The following ARPP21 variants were observed in gnomAD, a reference collection of about 807,000 sequenced individuals.
ARPP21 encodes the protein cAMP regulated phosphoprotein 21, also known as cAMP-regulated phosphoprotein 21.
Under a neutral mutation model 113.2 loss-of-function variants are expected in ARPP21, and 69 were observed. The ratio of observed to expected loss-of-function variants is 0.61; its 90% CI spans 0.50 to 0.74. The LOEUF is 0.74. ARPP21 is among the 30% of genes least tolerant of loss of function. The probability of loss-of-function intolerance (pLI) is 0.00; values close to 1 mark genes in which losing one functional copy is unlikely to be tolerated. For synonymous variants in ARPP21, 368 were observed against 375.5 expected (o/e 0.98, Z 0.23); for missense variants, 1,070 against 1,037.4 (o/e 1.03, Z -0.43).
chr3:35,732,680 A>C (rs1348120188), intron 15 of ARPP21, among the ~76,000 whole-genome samples: 1 of 152,184 alleles, frequency 6.6e-6, no homozygotes, highest in East Asian at 1.9e-4. Flanking sequence ...ATGTTCATAT[A>C]TGTTATTTTG....
chr3:35,777,604 G>C (rs988969098), intron 19 of ARPP21, among the ~76,000 whole-genome samples: 1 of 152,136 alleles, frequency 6.6e-6, no homozygotes, highest in African/African-American at 2.4e-5. Context: ...CTAACTTCCA[G>C]TATAGCATTT....
intron 1 of ARPP21, among the ~76,000 whole-genome samples, chr3:35,667,364 C>G (rs2074643702): frequency 6.6e-6 from 1 of 152,102 alleles, no homozygotes; most frequent in African/African-American, 2.4e-5. Context: ...AAACCACAGT[C>G]ATTTTGCATT....
chr3:35,681,476 C>A, intron 2 of ARPP21: 1 of 306,654 alleles, frequency 3.3e-6, no homozygotes, highest in East Asian at 5.3e-5. Flanking sequence ...GATTTGTCGA[C>A]CCATTTTGAT....
chr3:35,687,307 T>C (rs2080904932), intron 5 of ARPP21, among the ~76,000 whole-genome samples: 1 of 151,272 alleles, frequency 6.6e-6, no homozygotes, highest in Non-Finnish European at 1.5e-5. Context: ...TTATGATTCC[T>C]AGTATATGTC....
At chr3:35,791,565 G>T (rs1405102119) in intron 19 of ARPP21, among the ~76,000 whole-genome samples, 1 of 151,990 alleles carries the variant, frequency 6.6e-6, no homozygotes, top group African/African-American at 2.4e-5. Flanking sequence ...ACCACTCATT[G>T]AAGTGAGGAT....
intron 16 of ARPP21, among the ~76,000 whole-genome samples, chr3:35,737,683 C>T (rs562455300): frequency 6.6e-6 from 1 of 152,268 alleles, no homozygotes; most frequent in Non-Finnish European, 1.5e-5. Flanking sequence ...TAGGTCTTTG[C>T]GTCACCTTCC....
rs1208214994 is a variant in ARPP21, at chr3:35,640,178, T to G, written c.-433T>G. The G allele has an allele frequency of 6.6e-6, 1 of 152,252 alleles. No homozygotes were observed. Among genetic ancestry groups the G allele is most frequent in the African/African-American group, 2.4e-5 (1 of 41,428 alleles). The allele number at this position is 152,252 out of a possible 1,614,324, so 9.4% of individuals were successfully genotyped here. A position where few individuals can be genotyped will look rare whatever the true frequency, so the allele number is the denominator to read the frequency against. ...AGCTGTGTGGGATCCCAGCCGACAC[T>G]GCAGAAAGCTCCTTTTACTAGCAGT... On this transcript the variant is annotated 5_prime_UTR_variant, in exon 1 of 21. Transcript: ENST00000684406.
intron 1 of ARPP21, among the ~76,000 whole-genome samples, chr3:35,648,395 T>A (rs200375253): frequency 1.9e-4 from 29 of 152,292 alleles, no homozygotes; most frequent in East Asian, 9.7e-4. Flanking sequence ...CCTAAAATCC[T>A]GCACTAGTGG....
In ARPP21 at chr3:35,737,306, C is replaced by A. The variant is rs2094417411; in HGVS notation, c.1588C>A (p.Pro530Thr). The part of the protein sequence containing the change: ...QPPQQQPSPQ[P>T]QQQVQPPQPQ... ...ACCACAGCAGCAGCCCTCCCCGCAGCCCCAACAGCAGGTCCAGCCACCGCA... is the reference window on the plus strand; with the variant it reads ...ACCACAGCAGCAGCCCTCCCCGCAGACCCAACAGCAGGTCCAGCCACCGCA... Residue 530 changes from proline to threonine, a missense_variant, in exon 16 of 21, where the codon CCC becomes ACC. Transcript: ENST00000684406. 2 of 1,612,804 alleles carry A rather than the reference C, an allele frequency of 1.2e-6. No individual in the cohort carries two copies. Among genetic ancestry groups the A allele is most frequent in the East Asian group, 4.5e-5 (2 of 44,836 alleles).
chr3:35,714,098 G>T (rs899329710), intron 11 of ARPP21, among the ~76,000 whole-genome samples: 9 of 152,092 alleles, frequency 5.9e-5, no homozygotes, highest in Admixed American at 5.9e-4. Context: ...ATATATAAAT[G>T]TCAAGTTTTT....
chr3:35,668,461 G>A (rs959091773), intron 1 of ARPP21, among the ~76,000 whole-genome samples: 1 of 151,968 alleles, frequency 6.6e-6, no homozygotes, highest in African/African-American at 2.4e-5. Context: ...ATCTGGAATT[G>A]GCATCTGGGA....
intron 7 of ARPP21, 52 bp downstream of exon 7, chr3:35,689,437 C>A: frequency 1.1e-6 from 1 of 916,362 alleles, no homozygotes; most frequent in Non-Finnish European, 1.8e-6. Flanking sequence ...TAGAATATTA[C>A]AATCAAAGTT....
intron 1 of ARPP21, among the ~76,000 whole-genome samples, chr3:35,653,855 T>A (rs1479590643): frequency 1.3e-5 from 2 of 152,208 alleles, no homozygotes; most frequent in Non-Finnish European, 2.9e-5. Context: ...TTGAAAATAC[T>A]GTAAAGTTGT....
intron 19 of ARPP21, among the ~76,000 whole-genome samples, chr3:35,766,304 A>G (rs2095974887): frequency 6.6e-6 from 1 of 152,156 alleles, no homozygotes; most frequent in Non-Finnish European, 1.5e-5. Context: ...TAGTAATGGC[A>G]CACATACTTA....
intron 1 of ARPP21, among the ~76,000 whole-genome samples, chr3:35,668,008 G>GAAA (rs1559549855): frequency 6.6e-6 from 1 of 150,392 alleles, no homozygotes; most frequent in Admixed American, 6.6e-5. Context: ...AGAAGAAGAA[G>GAAA]AAGAAGAAGA....
At position 35,701,597 on chromosome 3, in the gene ARPP21, CTT is replaced by C. The variant is rs371195589; in HGVS notation, c.687-5375_687-5374del. Among the ~76,000 whole-genome samples the C allele has an allele frequency of 2.8e-3, 419 of 151,716 alleles. 2 individuals carry two copies. Among genetic ancestry groups the C allele is most frequent in the African/African-American group, 9.3e-3 (386 of 41,440 alleles). On this transcript the variant is annotated intron_variant, in intron 9 of 20. Transcript: ENST00000684406. ...TCCCCTTTTCTCTTATCCTTGCAAT[CTT>C]TCTCTATAACATCATTATTTAGTAT... is the stretch of plus-strand genomic sequence containing the variant.
chr3:35,786,871 C>G (rs2096644949), intron 19 of ARPP21, among the ~76,000 whole-genome samples: 1 of 152,110 alleles, frequency 6.6e-6, no homozygotes, highest in Non-Finnish European at 1.5e-5. Context: ...CAAAATTCAC[C>G]TCTCTGAGGC....
chr3:35,767,839 T>A (rs1413541167), intron 19 of ARPP21, among the ~76,000 whole-genome samples: 1 of 152,042 alleles, frequency 6.6e-6, no homozygotes, highest in East Asian at 1.9e-4. Context: ...TAGGTGGTGG[T>A]ACCATCATAA....
At chr3:35,757,479 A>G (rs1421050062) in intron 19 of ARPP21, among the ~76,000 whole-genome samples, 1 of 152,112 alleles carries the variant, frequency 6.6e-6, no homozygotes, top group East Asian at 1.9e-4. Flanking sequence ...AGATGAGTCA[A>G]AGAGAACAAT....
Sources: gnomAD v4.1 joint callset for allele counts (sites outside exome capture counted in the v4.1 genomes callset) on GRCh38, gnomAD v4.1.1 for gene constraint, MANE v1.5 for transcripts, NCBI Gene and HGNC (gene_info 2026-07-23, HGNC 2026-07-21) for gene names.